The following NHSL1 variants were observed in gnomAD, a reference collection of about 807,000 sequenced individuals.
NHSL1 encodes the protein NHS like 1.
NHSL1 carries 48 observed loss-of-function variants against 95.0 expected under a neutral mutation model. The ratio of observed to expected loss-of-function variants is 0.51; its 90% CI spans 0.40 to 0.64. The LOEUF (loss-of-function observed/expected upper bound fraction) is 0.64. Among genes scored for constraint, NHSL1 ranks in the 30% least tolerant of loss-of-function variants. The pLI, the probability that NHSL1 is intolerant of heterozygous loss-of-function variation, is 0.00. For missense variants in NHSL1, 1,971 were observed against 2,077.7 expected (o/e 0.95, Z 1.00); for synonymous variants, 783 against 833.9 (o/e 0.94, Z 1.05).
chr6:138,480,467 G>T (rs1343544798), intron 2 of NHSL1, among the ~76,000 whole-genome samples: 1 of 152,156 alleles, frequency 6.6e-6, no homozygotes, highest in Non-Finnish European at 1.5e-5. Context: ...GCACTGCAGT[G>T]TGAAAAGCCA....
intron 1 of NHSL1, among the ~76,000 whole-genome samples, chr6:138,640,912 G>A (rs1018537446): frequency 3.9e-5 from 6 of 152,108 alleles, no homozygotes; most frequent in South Asian, 4.1e-4. Flanking sequence ...TACACAAATT[G>A]TCAGCTTTGC....
upstream of NHSL1, among the ~76,000 whole-genome samples, chr6:138,577,446 T>C (rs1200851460): frequency 6.6e-6 from 1 of 152,138 alleles, no homozygotes; most frequent in African/African-American, 2.4e-5. Context: ...TAGAAATCAA[T>C]GGGAAAACAC....
At chr6:138,609,233 T>C (rs571818238) in intron 1 of NHSL1, among the ~76,000 whole-genome samples, 18 of 151,584 alleles carry the variant, frequency 1.2e-4, no homozygotes, top group African/African-American at 3.9e-4. Flanking sequence ...TCAAAGCTCA[T>C]AGAAATGGTG....
At chr6:138,511,412 A>ATGTG (rs775957774) in intron 1 of NHSL1, among the ~76,000 whole-genome samples, 3 of 148,986 alleles carry the variant, frequency 2.0e-5, no homozygotes, top group Non-Finnish European at 4.5e-5. Context: ...GTGTGTGTGT[A>ATGTG]TGTGTGTGTG....
chr6:138,551,808 G>A (rs1023217994), intron 1 of NHSL1, among the ~76,000 whole-genome samples: 3 of 152,144 alleles, frequency 2.0e-5, no homozygotes, highest in Admixed American at 1.3e-4. Flanking sequence ...AATATGGAAC[G>A]CGGGTTTTTG....
intron 1 of NHSL1, among the ~76,000 whole-genome samples, chr6:138,682,665 G>A (rs77406155): frequency 0.044 from 6,683 of 152,250 alleles, 312 homozygotes; most frequent in African/African-American, 0.12. Context: ...ATGTCCTGCC[G>A]CCCTGAATAA....
intron 1 of NHSL1, among the ~76,000 whole-genome samples, chr6:138,631,103 T>C (rs1784813514): frequency 6.6e-6 from 1 of 152,170 alleles, no homozygotes; most frequent in Non-Finnish European, 1.5e-5. Context: ...AGTGCTGCTC[T>C]GCTATAGCAG....
At chr6:138,507,816 T>C (rs967869890) in intron 1 of NHSL1, among the ~76,000 whole-genome samples, 2 of 151,288 alleles carry the variant, frequency 1.3e-5, no homozygotes, top group Non-Finnish European at 2.9e-5. Context: ...TATGACATAC[T>C]GAAAAAAAGA....
At chr6:138,667,445 G>A (rs1241030613) in intron 1 of NHSL1, among the ~76,000 whole-genome samples, 1 of 152,186 alleles carries the variant, frequency 6.6e-6, no homozygotes, top group Non-Finnish European at 1.5e-5. Context: ...TCATGTCAAT[G>A]AAACTGCTGT....
chr6:138,561,223 C>A (rs1783397809), intron 1 of NHSL1, among the ~76,000 whole-genome samples: 2 of 152,170 alleles, frequency 1.3e-5, no homozygotes, highest in Non-Finnish European at 1.5e-5. Flanking sequence ...GCGATGCAAG[C>A]AGCATATTCA....
chr6:138,466,017 C>CCTGGCCA (rs1248295435), intron 3 of NHSL1, among the ~76,000 whole-genome samples: 9 of 146,504 alleles, frequency 6.1e-5, no homozygotes, highest in East Asian at 2.1e-4. Context: ...TGCCACTGCG[C>CCTGGCCA]CTGGCCCCAC....
chr6:138,605,994 G>T (rs1333361571), intron 1 of NHSL1, among the ~76,000 whole-genome samples: 1 of 152,188 alleles, frequency 6.6e-6, no homozygotes, highest in Non-Finnish European at 1.5e-5. Flanking sequence ...AGGAATAACT[G>T]GAGAGGTTTG....
Position 138,422,150 on chromosome 6 carries a change from C to T in NHSL1, c.*1931G>A, listed in dbSNP as rs892540478. On this transcript the variant is annotated 3_prime_UTR_variant, in exon 8 of 8. Transcript: ENST00000343505. ...TATAATTAGTGTTATGTTGCTTTAT[C>T]TTATCTTTGCATAAATTATGTATTA... The T allele has an allele frequency of 3.3e-5, 5 of 152,092 alleles. No homozygotes were observed. Among genetic ancestry groups the T allele is most frequent in the Admixed American group, 3.3e-4 (5 of 15,270 alleles). The allele number at this position is 152,092 out of a possible 1,614,324, so 9.4% of individuals were successfully genotyped here.
At chr6:138,585,397 T>C (rs1784120027) in intron 1 of NHSL1, among the ~76,000 whole-genome samples, 1 of 152,208 alleles carries the variant, frequency 6.6e-6, no homozygotes, top group East Asian at 1.9e-4. Flanking sequence ...TTGTGAGGCA[T>C]ATTTTTCTTC....
At chr6:138,551,859 T>C (rs1783016483) in intron 1 of NHSL1, among the ~76,000 whole-genome samples, 1 of 152,144 alleles carries the variant, frequency 6.6e-6, no homozygotes, top group Non-Finnish European at 1.5e-5. Context: ...CGAGCCTGTA[T>C]CCTGTTTGAG....
intron 1 of NHSL1, among the ~76,000 whole-genome samples, chr6:138,632,506 G>A (rs1023540266): frequency 6.6e-6 from 1 of 152,194 alleles, no homozygotes; most frequent in Admixed American, 6.5e-5. Context: ...CCCCCAACCA[G>A]GTGGCTCAGA....
chr6:138,448,036 CACTG>C (rs1398240627), intron 3 of NHSL1, among the ~76,000 whole-genome samples: 4 of 152,180 alleles, frequency 2.6e-5, no homozygotes, highest in Non-Finnish European at 4.4e-5. Flanking sequence ...ACTTATACGG[CACTG>C]ACTAAAGCTC....
At chr6:138,592,654 C>T (rs571528904) in intron 1 of NHSL1, among the ~76,000 whole-genome samples, 1 of 151,934 alleles carries the variant, frequency 6.6e-6, no homozygotes, top group Non-Finnish European at 1.5e-5. Flanking sequence ...AAAACCCCTA[C>T]ATATCCAGAA....
At chr6:138,546,427 C>CAAAAAAAAAAAAAAAAA (rs1177720465), upstream of NHSL1, among the ~76,000 whole-genome samples, 13 of 50,950 alleles carry the variant, frequency 2.6e-4, no homozygotes, top group African/African-American at 6.9e-4. Context: ...CCCATCTCTA[C>CAAAAAAAAAAAAAAAAA]AAAAAAAAAA....
Sources: gnomAD v4.1 joint callset for allele counts (sites outside exome capture counted in the v4.1 genomes callset) on GRCh38, gnomAD v4.1.1 for gene constraint, MANE v1.5 for transcripts, NCBI Gene and HGNC (gene_info 2026-07-23, HGNC 2026-07-21) for gene names.